MACROD2: variants seen among roughly 807,000 people sequenced by gnomAD.
MACROD2 encodes the protein ADP-ribose glycohydrolase MACROD2.
A neutral mutation model predicts 70.4 loss-of-function variants in MACROD2; 36 were observed. That is an observed-to-expected ratio of 0.51 (90% CI 0.39 to 0.68). MACROD2 has a LOEUF of 0.68. Ranked by LOEUF, MACROD2 falls within the 30% of genes least tolerant of loss-of-function variation. The pLI is 0.00. For missense variants in MACROD2, 496 were observed against 538.4 expected (o/e 0.92, Z 0.78); for synonymous variants, 172 against 178.8 (o/e 0.96, Z 0.30).
At chr20:14,295,748 G>A (rs1239071247) in intron 3 of MACROD2, among the ~76,000 whole-genome samples, 1 of 151,936 alleles carries the variant, frequency 6.6e-6, no homozygotes, top group African/African-American at 2.4e-5. Flanking sequence ...ACAAGCAGTA[G>A]TTCCAGATTT....
At chr20:15,701,238 C>G (rs1329936911) in intron 8 of MACROD2, among the ~76,000 whole-genome samples, 1 of 152,176 alleles carries the variant, frequency 6.6e-6, no homozygotes, top group Non-Finnish European at 1.5e-5. Context: ...GCCTGGAAAC[C>G]TGCAATATTA....
intron 5 of MACROD2, among the ~76,000 whole-genome samples, chr20:15,192,596 C>T (rs2076579355): frequency 6.6e-6 from 1 of 152,196 alleles, no homozygotes; most frequent in African/African-American, 2.4e-5. Context: ...TGCTAATACT[C>T]AGGGATCCCA....
intron 3 of MACROD2, among the ~76,000 whole-genome samples, chr20:14,487,578 C>T (rs972159293): frequency 1.3e-5 from 2 of 152,158 alleles, no homozygotes; most frequent in African/African-American, 4.8e-5. Context: ...CTTTCCCCTT[C>T]CCCTCTCTCT....
intron 5 of MACROD2, among the ~76,000 whole-genome samples, chr20:15,112,568 A>G (rs959784454): frequency 1.3e-5 from 2 of 152,188 alleles, no homozygotes; most frequent in African/African-American, 4.8e-5. Context: ...AAGAAATGGT[A>G]AAACCCAGAC....
intron 8 of MACROD2, among the ~76,000 whole-genome samples, chr20:15,810,522 T>C (rs2063809709): frequency 6.6e-6 from 1 of 152,164 alleles, no homozygotes; most frequent in African/African-American, 2.4e-5. Context: ...CAAGGTAATT[T>C]ATAGATTCAA....
At chr20:15,930,290 G>A (rs918046361) in intron 10 of MACROD2, among the ~76,000 whole-genome samples, 7 of 152,282 alleles carry the variant, frequency 4.6e-5, no homozygotes, top group East Asian at 1.9e-4. Context: ...GGGTAACTGT[G>A]TTAATGTGCC....
intron 10 of MACROD2, among the ~76,000 whole-genome samples, chr20:15,890,309 C>A (rs180836739): frequency 9.2e-5 from 14 of 152,206 alleles, no homozygotes; most frequent in Admixed American, 6.5e-4. Context: ...CACAAAAATG[C>A]AAAAAGTGAT....
intron 7 of MACROD2, among the ~76,000 whole-genome samples, chr20:15,494,330 TACTCAACA>T (rs1259325687): frequency 2.0e-5 from 3 of 152,120 alleles, no homozygotes; most frequent in Admixed American, 2.0e-4. Flanking sequence ...CCTGGATATA[TACTCAACA>T]GAAACACATG....
chr20:14,819,351 T>C (rs1044817264), intron 5 of MACROD2, among the ~76,000 whole-genome samples: 4 of 150,794 alleles, frequency 2.7e-5, no homozygotes, highest in Non-Finnish European at 5.9e-5. Flanking sequence ...GTATCTTGAA[T>C]TCTCAGGTGT....
chr20:14,556,274 T>G (rs991727684), intron 4 of MACROD2, among the ~76,000 whole-genome samples: 2 of 151,978 alleles, frequency 1.3e-5, no homozygotes, highest in Non-Finnish European at 2.9e-5. Flanking sequence ...AACTAAAAAT[T>G]TCTAGATACA....
chr20:14,482,424 C>T (rs1401406781), intron 3 of MACROD2, among the ~76,000 whole-genome samples: 3 of 151,254 alleles, frequency 2.0e-5, no homozygotes, highest in Admixed American at 1.3e-4. Context: ...ATTCCTTACT[C>T]TATATTCCTT....
At chr20:14,862,644 T>TATAAATATATATAAATATATATATAA (rs1568841498) in intron 5 of MACROD2, among the ~76,000 whole-genome samples, 1 of 9,970 alleles carries the variant, frequency 1.0e-4, no homozygotes, top group South Asian at 4.5e-3. Context: ...TATATATAAA[T>TATAAATATATATAAATATATATATAA]ATATATATAT....
rs143824895 is a variant in MACROD2, at chr20:14,502,890, G to A, written c.301+9382G>A. Among the ~76,000 whole-genome samples, 94 of 152,138 alleles carry A rather than the reference G, an allele frequency of 6.2e-4. 2 individuals are homozygous for A. The East Asian group carries it at 0.011, about 17-fold the overall frequency. On this transcript the variant is annotated intron_variant, in intron 4 of 17. Coordinates refer to ENST00000684519, the MANE Select transcript of MACROD2 (RefSeq NM_001351661.2). ...TATTCTAACAGTAGTTCATTTCATC[G>A]GTATGTATAGTGGTCATCATAAGGA...
At chr20:14,732,389 C>T (rs2071609624) in intron 5 of MACROD2, among the ~76,000 whole-genome samples, 6 of 152,048 alleles carry the variant, frequency 3.9e-5, no homozygotes, top group Admixed American at 3.9e-4. Flanking sequence ...ATAACTTCAA[C>T]CTTGAACTGT....
chr20:15,475,728 T>C (rs1203306950), intron 7 of MACROD2, among the ~76,000 whole-genome samples: 1 of 152,212 alleles, frequency 6.6e-6, no homozygotes, highest in Non-Finnish European at 1.5e-5. Context: ...AAGACAGGAA[T>C]GAGTCCTCGT....
At chr20:15,679,775 C>A (rs1487868953) in intron 8 of MACROD2, among the ~76,000 whole-genome samples, 1 of 152,116 alleles carries the variant, frequency 6.6e-6, no homozygotes, top group Non-Finnish European at 1.5e-5. Flanking sequence ...AGACAGATGA[C>A]CCTCGGAGAG....
intron 3 of MACROD2, among the ~76,000 whole-genome samples, chr20:14,438,664 G>C (rs1297785918): frequency 6.6e-6 from 1 of 152,102 alleles, no homozygotes; most frequent in Non-Finnish European, 1.5e-5. Context: ...GATGATTAAA[G>C]ATTAGGGCAC....
At chr20:14,344,853 C>A (rs1403866826) in intron 3 of MACROD2, among the ~76,000 whole-genome samples, 3 of 152,168 alleles carry the variant, frequency 2.0e-5, no homozygotes, top group Non-Finnish European at 2.9e-5. Flanking sequence ...TACATAGAAG[C>A]AACACACAAC....
intron 10 of MACROD2, among the ~76,000 whole-genome samples, chr20:15,902,334 G>T (rs1245643418): frequency 6.6e-6 from 1 of 151,840 alleles, no homozygotes; most frequent in African/African-American, 2.4e-5. Context: ...CTTTCTTGGG[G>T]CTTATATTCT....
Sources: allele counts gnomAD v4.1 joint callset (sites outside exome capture counted in the v4.1 genomes callset), GRCh38; gene constraint gnomAD v4.1.1; transcripts MANE v1.5; gene names NCBI Gene and HGNC (gene_info 2026-07-23, HGNC 2026-07-21).